KCNU1: variants seen among roughly 807,000 people sequenced by gnomAD.
The protein encoded by KCNU1 is potassium calcium-activated channel subfamily U member 1.
A neutral mutation model predicts 126.8 loss-of-function variants in KCNU1; 93 were observed. The ratio of observed to expected loss-of-function variants is 0.73; its 90% CI spans 0.62 to 0.87. The LOEUF (loss-of-function observed/expected upper bound fraction) is 0.87, where lower values mean the gene tolerates loss of function less well. Among genes scored for constraint, KCNU1 ranks in the 40% least tolerant of loss-of-function variants. The probability of loss-of-function intolerance (pLI) is 0.00; values close to 1 mark genes in which losing one functional copy is unlikely to be tolerated. For missense variants in KCNU1, 1,330 were observed against 1,367.1 expected, an observed-to-expected ratio of 0.97 and a Z score of 0.43; for synonymous variants, 523 against 494.2, an observed-to-expected ratio of 1.06 and a Z score of -0.77.
chr8:36,835,946 A>G (rs1356351811), intron 12 of KCNU1, among the ~76,000 whole-genome samples: 3 of 152,240 alleles, frequency 2.0e-5, no homozygotes, highest in African/African-American at 7.2e-5. Flanking sequence ...ATTTCAAGCC[A>G]TAGACTACCA....
chr8:36,805,293 C>T lies in KCNU1; in HGVS notation c.468+8C>T. 2 of 1,536,100 alleles carry T rather than the reference C, an allele frequency of 1.3e-6. No individual in the cohort carries two copies. Among genetic ancestry groups the T allele is most frequent in the Non-Finnish European group, 1.8e-6 (2 of 1,118,492 alleles). On this transcript the variant is annotated splice_region_variant and intron_variant, in intron 4 of 26. Coordinates refer to ENST00000399881, the MANE Select transcript of KCNU1 (RefSeq NM_001031836.3). ...TTCTATTTTGGATTGAGGGTAAGTACCTATTGAAAGTGGGAGTGAATATCC... is the reference window on the plus strand; with the variant it reads ...TTCTATTTTGGATTGAGGGTAAGTATCTATTGAAAGTGGGAGTGAATATCC...
At chr8:36,906,535 G>T (rs1014890656) in intron 20 of KCNU1, among the ~76,000 whole-genome samples, 3 of 152,142 alleles carry the variant, frequency 2.0e-5, no homozygotes, top group African/African-American at 7.2e-5. Context: ...TACCTTACAA[G>T]TAGTAGCTGA....
chr8:36,903,459 A>T lies in KCNU1; in HGVS notation c.2010-2249A>T, dbSNP rs796659529. Among the ~76,000 whole-genome samples the T allele has an allele frequency of 5.9e-5, 9 of 152,262 alleles. 1 individual carries two copies. The highest frequency in any genetic ancestry group is 2.2e-4 in the African/African-American group (9 of 41,550). On this transcript the variant is annotated intron_variant, in intron 19 of 26. Coordinates refer to ENST00000399881, the MANE Select transcript of KCNU1 (RefSeq NM_001031836.3). Reference sequence around the variant, plus strand: ...CTGAGATGAGCAGGACTGAATCTGTAATGTGACACACAGTACAGTATATTC... The same window carrying T: ...CTGAGATGAGCAGGACTGAATCTGTTATGTGACACACAGTACAGTATATTC...
At chr8:36,884,392 G>A (rs1248411661) in intron 19 of KCNU1, among the ~76,000 whole-genome samples, 1 of 152,156 alleles carries the variant, frequency 6.6e-6, no homozygotes. Context: ...ACTGAAAGGG[G>A]AGTTTTCAGG....
intron 18 of KCNU1, among the ~76,000 whole-genome samples, chr8:36,847,967 A>G (rs1262679143): frequency 6.6e-6 from 1 of 152,134 alleles, no homozygotes; most frequent in East Asian, 1.9e-4. Context: ...CCTTGTCAGC[A>G]TCTATTGTTT....
rs558816309 is a variant in KCNU1 at position 36,814,121 on chromosome 8, C to A, written c.733-86C>A. 4 of 940,314 alleles carry A rather than the reference C, an allele frequency of 4.3e-6. No individual in the cohort carries two copies. The East Asian group carries it at 7.5e-5, about 18-fold the overall frequency. The allele number at this position is 940,314 out of a possible 1,614,324, so 58.2% of individuals were successfully genotyped here. Reference sequence around the variant, plus strand: ...TATTTCATTTGGATTGAATGAAGTGCAATTAATCTAATGTTTTGCCTATTC... The same window carrying A: ...TATTTCATTTGGATTGAATGAAGTGAAATTAATCTAATGTTTTGCCTATTC... On this transcript the variant is annotated intron_variant, in intron 7 of 26. Transcript: ENST00000399881.
chr8:36,905,572 G>C (rs1008283217), intron 19 of KCNU1, 136 bp from the exon 20 acceptor site: 21 of 642,654 alleles, frequency 3.3e-5, no homozygotes, highest in African/African-American at 2.9e-4. Context: ...TTATTCTAGA[G>C]TCTTACAGAC....
intron 24 of KCNU1, among the ~76,000 whole-genome samples, chr8:36,926,826 G>C (rs936935079): frequency 2.6e-5 from 4 of 152,088 alleles, no homozygotes; most frequent in African/African-American, 4.8e-5. Context: ...GACTCTAAAC[G>C]TTGGGTTCCT....
At chr8:36,838,989 T>C (rs995821577) in intron 14 of KCNU1, among the ~76,000 whole-genome samples, 4 of 152,186 alleles carry the variant, frequency 2.6e-5, no homozygotes, top group African/African-American at 4.8e-5. Context: ...ATGACTGATT[T>C]CTCTCAGAGT....
chr8:36,890,414 C>T (rs185399761), intron 19 of KCNU1, among the ~76,000 whole-genome samples: 2 of 151,990 alleles, frequency 1.3e-5, no homozygotes, highest in African/African-American at 4.8e-5. Context: ...ATGCACTATA[C>T]ATTAGGCAGT....
chr8:36,857,939 C>G lies in KCNU1; in HGVS notation c.1892-6465C>G, dbSNP rs112273240. 1.9e-3 allele frequency among the ~76,000 whole-genome samples: 282 copies of G among 152,282 alleles called. 1 individual carries two copies. Among genetic ancestry groups the G allele is most frequent in the African/African-American group, 6.4e-3 (266 of 41,558 alleles). On this transcript the variant is annotated intron_variant, in intron 18 of 26. Transcript: ENST00000399881. ...GGGATTACAGGCGTGAGCCACTGCA[C>G]CCAGCCACAAGTTTTCTTCATTTGC... is the stretch of plus-strand genomic sequence containing the variant.
At chr8:36,859,738 C>T (rs1446967897) in intron 18 of KCNU1, among the ~76,000 whole-genome samples, 1 of 152,138 alleles carries the variant, frequency 6.6e-6, no homozygotes, top group African/African-American at 2.4e-5. Context: ...AACATGAATT[C>T]TGGATTGGCC....
intron 24 of KCNU1, 80 bp from the exon 25 acceptor site, chr8:36,930,871 T>G: frequency 1.0e-6 from 1 of 958,962 alleles, no homozygotes; most frequent in Non-Finnish European, 1.5e-6. Flanking sequence ...CAATGCCCAC[T>G]AAATCTCCAA....
chr8:36,807,109 A>G (rs1803529648), intron 5 of KCNU1, among the ~76,000 whole-genome samples: 1 of 152,172 alleles, frequency 6.6e-6, no homozygotes. Flanking sequence ...TGAGGTTGGT[A>G]CTATTATAAT....
rs546075623 is a variant in KCNU1, at chr8:36,870,565, G to A, written c.2009+6044G>A. 5.9e-5 allele frequency among the ~76,000 whole-genome samples: 9 copies of A among 152,236 alleles called. No individual in the cohort carries two copies. The East Asian group carries it at 1.7e-3, about 29-fold the overall frequency. On this transcript the variant is annotated intron_variant, in intron 19 of 26. Coordinates refer to ENST00000399881, the MANE Select transcript of KCNU1 (RefSeq NM_001031836.3). Reference sequence around the variant, plus strand: ...CCAGCCTCTGAGTCCACCTAGTGGGGGCAGAAGATCGGATACAAATCACCG... The same window carrying A: ...CCAGCCTCTGAGTCCACCTAGTGGGAGCAGAAGATCGGATACAAATCACCG...
chr8:36,800,292 AC>A (rs960905772), intron 2 of KCNU1, among the ~76,000 whole-genome samples: 50 of 151,760 alleles, frequency 3.3e-4, no homozygotes, highest in African/African-American at 1.1e-3. Flanking sequence ...TTATCTGAAG[AC>A]CCCCCACAAC....
intron 14 of KCNU1, among the ~76,000 whole-genome samples, chr8:36,838,784 G>A (rs764672600): frequency 2.6e-5 from 4 of 152,050 alleles, no homozygotes; most frequent in African/African-American, 9.7e-5. Context: ...TATACAAGAT[G>A]GATTTTAGCT....
intron 18 of KCNU1, among the ~76,000 whole-genome samples, chr8:36,861,478 G>A (rs1328941372): frequency 6.6e-6 from 1 of 152,080 alleles, no homozygotes; most frequent in African/African-American, 2.4e-5. Flanking sequence ...GATCATGAAT[G>A]GATACATAAA....
rs747446576 is a variant in KCNU1, at chr8:36,864,438, G to A, written c.1926G>A (p.Lys642=). 2.4e-5 allele frequency: 38 copies of A among 1,612,028 alleles called. No homozygotes were observed. Among genetic ancestry groups the A allele is most frequent in the Non-Finnish European group, 2.9e-5 (34 of 1,178,412 alleles). ...PSVKRMKKCL[K]GISSRISGQD... is the part of the protein sequence containing the mutation. The stretch of plus-strand genomic sequence containing the variant: ...TAAAGAGAATGAAAAAATGTCTGAA[G>A]GGAATCTCCTCTCGTATATCAGGGC... Residue 642 remains lysine (K), a synonymous_variant, in exon 19 of 27, where the codon AAG becomes AAA. Coordinates refer to ENST00000399881, the MANE Select transcript of KCNU1 (RefSeq NM_001031836.3).
Sources: allele counts gnomAD v4.1 joint callset (sites outside exome capture counted in the v4.1 genomes callset), GRCh38; gene constraint gnomAD v4.1.1; transcripts MANE v1.5; gene names NCBI Gene and HGNC (gene_info 2026-07-23, HGNC 2026-07-21).